TNNC2: variants seen among roughly 807,000 people sequenced by gnomAD.
TNNC2 encodes troponin C2, fast skeletal type, also known as troponin C, skeletal muscle.
Under a neutral mutation model 20.0 loss-of-function variants are expected in TNNC2, and 14 were observed. The observed-to-expected ratio is 0.70, with a 90% CI of 0.46 to 1.09. The LOEUF is 1.09. TNNC2 is among the 50% of genes least tolerant of loss of function. The pLI is 0.00. For missense variants in TNNC2, 163 were observed against 223.8 expected (o/e 0.73, Z 1.73); for synonymous variants, 81 against 77.3 (o/e 1.05, Z -0.25).
At chr20:45,829,843 G>A (rs1285580178), upstream of TNNC2, among the ~76,000 whole-genome samples, 2 of 150,982 alleles carry the variant, frequency 1.3e-5, no homozygotes, top group Non-Finnish European at 3.0e-5. Context: ...CTGACCTCAA[G>A]TGATCCGCCT....
upstream of TNNC2, among the ~76,000 whole-genome samples, chr20:45,828,857 A>G (rs957765480): frequency 6.6e-6 from 1 of 152,244 alleles, no homozygotes; most frequent in South Asian, 2.1e-4. Flanking sequence ...CTATATATAG[A>G]CATTCCCAAG....
chr20:45,830,099 T>G (rs553678764), upstream of TNNC2, among the ~76,000 whole-genome samples: 1 of 150,786 alleles, frequency 6.6e-6, no homozygotes, highest in African/African-American at 2.4e-5. Flanking sequence ...TTTTGGGAGG[T>G]GCAGGCTGGC....
chr20:45,830,259 C>T (rs1359370511), upstream of TNNC2, among the ~76,000 whole-genome samples: 3 of 148,874 alleles, frequency 2.0e-5, no homozygotes, highest in Admixed American at 2.0e-4. Flanking sequence ...TCACTTGAAC[C>T]TGGCAGGCGA....
chr20:45,823,306 C>T lies in TNNC2; in HGVS notation c.*42G>A. 6.4e-7 allele frequency: 1 copy of T among 1,560,140 alleles called. No homozygotes were observed. The highest frequency in any genetic ancestry group is 8.7e-7 in the Non-Finnish European group (1 of 1,151,322). On this transcript the variant is annotated 3_prime_UTR_variant, in exon 6 of 6. Transcript: ENST00000372555. This position sits in a 1 kb window ranked among gnomAD's most constrained non-coding sequence, Gnocchi z 4.6. ...ACCCGGCAGGGCGGAGTCTCCCACACCCTAGGGACACGCGATCTTGGTAGA... is the reference window on the plus strand; with the variant it reads ...ACCCGGCAGGGCGGAGTCTCCCACATCCTAGGGACACGCGATCTTGGTAGA...
intron 2 of TNNC2, 69 bp from the exon 3 acceptor site, chr20:45,824,707 A>T (rs1047341239): frequency 1.2e-6 from 1 of 851,820 alleles, no homozygotes; most frequent in Non-Finnish European, 1.7e-6. Context: ...CCCCCCCCCA[A>T]CCCCCACCCT....
In TNNC2 at chr20:45,824,120, C is replaced by T; in HGVS notation, c.322G>A (p.Asp108Asn). 1 of 1,613,972 alleles carries T rather than the reference C, an allele frequency of 6.2e-7. No individual in the cohort carries two copies. The highest frequency in any genetic ancestry group is 2.2e-5 in the East Asian group (1 of 44,876). The change falls in exon 5 of 6, where the codon GAC becomes AAC. Residue 108 changes from aspartate (D) to asparagine (N), a missense_variant. Coordinates refer to ENST00000372555, the MANE Select transcript of TNNC2 (RefSeq NM_003279.3). ...ECFRIFDRNA[D>N]GYIDPEELAE... is the part of the protein sequence containing the mutation. ...AGCTCCTCCGGGTCGATGTAGCCGT[C>T]TGCATTCCTTCAGGTCCGAGGGACA...
chr20:45,830,698 T>C (rs1159591417), upstream of TNNC2, among the ~76,000 whole-genome samples: 1 of 152,260 alleles, frequency 6.6e-6, no homozygotes, highest in Non-Finnish European at 1.5e-5. Context: ...AACTGGATGG[T>C]ATTTAGTTCA....
chr20:45,824,652 C>T lies in TNNC2; in HGVS notation c.56-14G>A, dbSNP rs370661840. 1.7e-5 allele frequency: 28 copies of T among 1,607,178 alleles called. No individual in the cohort carries two copies. The highest frequency in any genetic ancestry group is 2.3e-5 in the Non-Finnish European group (27 of 1,179,144). On this transcript the variant is annotated splice_polypyrimidine_tract_variant and intron_variant, in intron 2 of 5. Transcript: ENST00000372555. ...CAGCCTTGAACTCTGCGAGGGAGGG[C>T]AGAGGGCAGAGGTGAGGCCTGCTGG...
rs769606020 is a variant in TNNC2 at position 45,824,409 on chromosome 20, G to C, written c.200-3C>G. 1 of 1,610,660 alleles carries C rather than the reference G, an allele frequency of 6.2e-7. No individual in the cohort carries two copies. The highest frequency in any genetic ancestry group is 2.2e-5 in the East Asian group (1 of 44,872). ...CTCGAAGTCGATGGTGCCGCTGCCT[G>C]CGGGCAGCAGGTGGCAGACTGAGCC... On this transcript the variant is annotated splice_region_variant and splice_polypyrimidine_tract_variant and intron_variant, in intron 3 of 5. Transcript: ENST00000372555.
upstream of TNNC2, among the ~76,000 whole-genome samples, chr20:45,831,535 A>T (rs1193486361): frequency 6.6e-6 from 1 of 151,914 alleles, no homozygotes; most frequent in African/African-American, 2.4e-5. Flanking sequence ...AACCCAGGAG[A>T]TGGAGGTTGT....
At position 45,823,346 on chromosome 20, in the gene TNNC2, C is replaced by T; in HGVS notation, c.*2G>A. ...ATCTTGGTAGAGGCGACTGTCCACTCCTTACTGCACGCCCTCCATCATCTT... is the reference window on the plus strand; with the variant it reads ...ATCTTGGTAGAGGCGACTGTCCACTTCTTACTGCACGCCCTCCATCATCTT... On this transcript the variant is annotated 3_prime_UTR_variant, in exon 6 of 6. Coordinates refer to ENST00000372555, the MANE Select transcript of TNNC2 (RefSeq NM_003279.3). The surrounding 1 kb of genome is among the most constrained non-coding windows in gnomAD (Gnocchi z 4.6). The T allele has an allele frequency of 6.3e-7, 1 of 1,587,396 alleles. No homozygotes were observed. The highest frequency in any genetic ancestry group is 8.6e-7 in the Non-Finnish European group (1 of 1,167,262).
chr20:45,824,085 A>C lies in TNNC2; in HGVS notation c.357T>G (p.Ile119Met). 1 of 1,614,090 alleles carries C rather than the reference A, an allele frequency of 6.2e-7. No homozygotes were observed. Among genetic ancestry groups the C allele is most frequent in the Non-Finnish European group, 8.5e-7 (1 of 1,179,996 alleles). Residue 119 changes from isoleucine (I) to methionine (M), a missense_variant, in exon 5 of 6, where the codon ATT (isoleucine) becomes ATG (methionine). By Grantham distance (10) the Ile-to-Met change is conservative. Coordinates refer to ENST00000372555, the MANE Select transcript of TNNC2 (RefSeq NM_003279.3). ...TCACGTGCTCCCCGGAGGCCCTGAA[A>C]ATCTCAGCCAGCTCCTCCGGGTCGA... ...GYIDPEELAE[I>M]FRASGEHVTD...
In TNNC2 at chr20:45,824,266, C is replaced by T. The variant is rs1982894718; in HGVS notation, c.314+26G>A. 4.4e-6 allele frequency: 7 copies of T among 1,607,660 alleles called. No individual in the cohort carries two copies. In the East Asian group the frequency reaches 8.9e-5, roughly 20 times the overall value. ...CCGGGTTCTGACTGCTAAGCCCCTC[C>T]CTCGGCTCCCGGGCCCCCAGCGCAC... On this transcript the variant is annotated intron_variant, in intron 4 of 5. Coordinates refer to ENST00000372555, the MANE Select transcript of TNNC2 (RefSeq NM_003279.3).
At position 45,824,362 on chromosome 20, in the gene TNNC2, G is replaced by T. The variant is rs746513021; in HGVS notation, c.244C>A (p.Arg82Ser). Reference protein sequence around the residue: ...DFEEFLVMMVRQMKEDAKGKS... With the variant: ...DFEEFLVMMVSQMKEDAKGKS... ...CCTTTCGCGTCCTCTTTCATCTGGC[G>T]CACCATCATGACCAAGAACTCCTCG... Residue 82 changes from arginine (R) to serine (S), a missense_variant, in exon 4 of 6, where the codon CGC becomes AGC. Transcript: ENST00000372555. The T allele has an allele frequency of 1.2e-6, 2 of 1,610,788 alleles. No individual in the cohort carries two copies. Among genetic ancestry groups the T allele is most frequent in the African/African-American group, 1.3e-5 (1 of 74,854 alleles).
At chr20:45,830,782 C>G (rs1355475753), upstream of TNNC2, among the ~76,000 whole-genome samples, 1 of 152,210 alleles carries the variant, frequency 6.6e-6, no homozygotes, top group Non-Finnish European at 1.5e-5. Flanking sequence ...GTAATGAGCT[C>G]CGTATCACTG....
chr20:45,824,260 C>T (rs779571273), intron 4 of TNNC2, 32 bp downstream of exon 4: 1 of 1,606,108 alleles, frequency 6.2e-7, no homozygotes, highest in African/African-American at 1.3e-5. Flanking sequence ...GACTGCTAAG[C>T]CCCTCCCTCG....
At position 45,823,942 on chromosome 20, in the gene TNNC2, G is replaced by T; in HGVS notation, c.451+49C>A. The T allele has an allele frequency of 6.2e-7, 1 of 1,611,022 alleles. No homozygotes were observed. Among genetic ancestry groups the T allele is most frequent in the South Asian group, 1.1e-5 (1 of 90,954 alleles). ...CCGGAGCCAGGCACCAGTGCCCGCCGTCCTCTGGGGCTCCCACCCGCTCTT... is the reference window on the plus strand; with the variant it reads ...CCGGAGCCAGGCACCAGTGCCCGCCTTCCTCTGGGGCTCCCACCCGCTCTT... On this transcript the variant is annotated intron_variant, in intron 5 of 5. Coordinates refer to ENST00000372555, the MANE Select transcript of TNNC2 (RefSeq NM_003279.3). The surrounding 1 kb of genome is among the most constrained non-coding windows in gnomAD (Gnocchi z 4.6).
At chr20:45,824,857 C>T (rs748738156) in intron 1 of TNNC2, 23 bp from the exon 2 acceptor site, 1 of 1,614,120 alleles carries the variant, frequency 6.2e-7, no homozygotes, top group South Asian at 1.1e-5. Context: ...CAGAGAAAGT[C>T]TGAGCTGAAG....
At chr20:45,824,938 T>G in intron 1 of TNNC2, 104 bp from the exon 2 acceptor site, 1 of 1,269,486 alleles carries the variant, frequency 7.9e-7, no homozygotes, top group Non-Finnish European at 1.1e-6. Flanking sequence ...CGCCCTTGGT[T>G]CTCCAGAAGA....
Sources: gnomAD v4.1 joint callset for allele counts (sites outside exome capture counted in the v4.1 genomes callset) on GRCh38, gnomAD v4.1.1 for gene constraint, Gnocchi (gnomAD v3.1) non-coding constraint, MANE v1.5 for transcripts, NCBI Gene and HGNC (gene_info 2026-07-23, HGNC 2026-07-21) for gene names.